EHMT1: variants seen among roughly 807,000 people sequenced by gnomAD.
EHMT1 encodes the protein histone-lysine N-methyltransferase EHMT1.
In EHMT1, 15 loss-of-function variants were observed where a neutral mutation model predicts 147.2. The ratio of observed to expected loss-of-function variants is 0.10; its 90% CI spans 0.07 to 0.16. EHMT1 has a LOEUF of 0.16. EHMT1 is among the 10% of genes least tolerant of loss of function. The pLI is 1.00. For synonymous variants in EHMT1, 795 were observed against 709.6 expected (o/e 1.12, Z -1.91); for missense variants, 1,587 against 1,772.4 (o/e 0.90, Z 1.88).
chr9:137,820,309 A>G (rs1955302988), intron 25 of EHMT1, among the ~76,000 whole-genome samples: 1 of 152,140 alleles, frequency 6.6e-6, no homozygotes, highest in Non-Finnish European at 1.5e-5. Flanking sequence ...CCGTGTGCAG[A>G]GTTGTGAGGC....
chr9:137,821,620 C>G (rs1955429896), intron 25 of EHMT1, among the ~76,000 whole-genome samples: 1 of 152,206 alleles, frequency 6.6e-6, no homozygotes, highest in Non-Finnish European at 1.5e-5. Flanking sequence ...GAGTGAGCCA[C>G]TGTGCCCAGC....
At chr9:137,799,004 C>T in intron 17 of EHMT1, 90 bp downstream of exon 17, 2 of 1,089,874 alleles carry the variant, frequency 1.8e-6, no homozygotes, top group Non-Finnish European at 2.8e-6. Flanking sequence ...CCCCCATTCT[C>T]CATGGCGTCC....
At chr9:137,663,048 C>G (rs906785430) in intron 1 of EHMT1, among the ~76,000 whole-genome samples, 1 of 152,166 alleles carries the variant, frequency 6.6e-6, no homozygotes, top group Non-Finnish European at 1.5e-5. Flanking sequence ...CTGCCTCGGC[C>G]TCCCAAAGTG....
intron 25 of EHMT1, among the ~76,000 whole-genome samples, chr9:137,830,453 G>GT (rs1184786614): frequency 3.3e-5 from 5 of 152,228 alleles, no homozygotes; most frequent in Non-Finnish European, 5.9e-5. Context: ...ATGTGTTCAT[G>GT]TTAATATTTC....
At chr9:137,709,137 C>T (rs559924360) in intron 1 of EHMT1, among the ~76,000 whole-genome samples, 5 of 152,334 alleles carry the variant, frequency 3.3e-5, no homozygotes, top group Non-Finnish European at 5.9e-5. Flanking sequence ...AATATCAGCA[C>T]AGTGAAAAAG....
rs1950926538 is a variant in EHMT1, at chr9:137,775,969, G to A, written c.1792-649G>A. Among the ~76,000 whole-genome samples, 2 of 152,126 alleles carry A rather than the reference G, an allele frequency of 1.3e-5. No individual in the cohort carries two copies. The highest frequency in any genetic ancestry group is 4.1e-4 in the South Asian group (2 of 4,824). On this transcript the variant is annotated intron_variant, in intron 11 of 26. Transcript: ENST00000460843. The surrounding 1 kb of genome is among the most constrained non-coding windows in gnomAD (Gnocchi z 6.1). ...TGTCTGTGTGCGCCTGTGTGTGTGA[G>A]TGTTTGAGTGTGAGCTTCAGGCACC...
chr9:137,706,867 G>A (rs1944311815), intron 1 of EHMT1, among the ~76,000 whole-genome samples: 1 of 151,708 alleles, frequency 6.6e-6, no homozygotes. Flanking sequence ...TTTTGCCCAG[G>A]CTGGAGTGAA....
At chr9:137,789,775 G>A (rs1029486829) in intron 15 of EHMT1, among the ~76,000 whole-genome samples, 5 of 152,218 alleles carry the variant, frequency 3.3e-5, no homozygotes, top group African/African-American at 1.2e-4. Context: ...TGTTGCCCAG[G>A]CTGGAGTGCA....
At chr9:137,795,012 T>C (rs1952792508) in intron 16 of EHMT1, 1 of 152,194 alleles carries the variant, frequency 6.6e-6, no homozygotes, top group Admixed American at 6.5e-5. Context: ...TAAACTCAAA[T>C]AATGTCATAA....
At chr9:137,648,019 A>G (rs1221408417) in intron 1 of EHMT1, among the ~76,000 whole-genome samples, 1 of 152,094 alleles carries the variant, frequency 6.6e-6, no homozygotes, top group African/African-American at 2.4e-5. Context: ...GTTTGTTGAC[A>G]CTTTTCTCAA....
intron 3 of EHMT1, among the ~76,000 whole-genome samples, chr9:137,725,324 G>C (rs933532784): frequency 6.6e-6 from 1 of 152,222 alleles, no homozygotes; most frequent in Non-Finnish European, 1.5e-5. Flanking sequence ...CCTTCGTGGG[G>C]CTTTCAGTGT....
rs771429616 is a variant in EHMT1, at chr9:137,834,414, C to T, written c.3606C>T (p.His1202=). Residue 1202 remains histidine (H), a synonymous_variant, in exon 26 of 27, where the codon CAC becomes CAT. Coordinates refer to ENST00000460843, the MANE Select transcript of EHMT1 (RefSeq NM_024757.5). ...ACGTCAGCCGGTTCATCAACCACCA[C>T]TGCGAGCCCAACCTGGTGCCCGTGC... ...YGNVSRFINH[H]CEPNLVPVRV... 4 of 1,613,364 alleles carry T rather than the reference C, an allele frequency of 2.5e-6. No homozygotes were observed. The highest frequency in any genetic ancestry group is 1.7e-6 in the Non-Finnish European group (2 of 1,179,818).
At chr9:137,743,307 A>C (rs1948264482) in intron 4 of EHMT1, 64 bp from the exon 5 acceptor site, 14 of 1,523,480 alleles carry the variant, frequency 9.2e-6, no homozygotes, top group Non-Finnish European at 1.2e-5. Context: ...TTACCTTTGA[A>C]AAACATTTGA....
intron 1 of EHMT1, among the ~76,000 whole-genome samples, chr9:137,670,452 T>C (rs1321643089): frequency 6.6e-6 from 1 of 152,128 alleles, no homozygotes; most frequent in Non-Finnish European, 1.5e-5. Flanking sequence ...CTCCCCCCGG[T>C]GCTGGGTGCA....
chr9:137,751,647 G>C (rs1948977849), intron 6 of EHMT1, among the ~76,000 whole-genome samples: 1 of 152,330 alleles, frequency 6.6e-6, no homozygotes, highest in South Asian at 2.1e-4. Flanking sequence ...TTATAGAAAA[G>C]ATAAATACAG....
At chr9:137,686,445 A>G (rs1328653554) in intron 1 of EHMT1, among the ~76,000 whole-genome samples, 1 of 151,992 alleles carries the variant, frequency 6.6e-6, no homozygotes, top group Non-Finnish European at 1.5e-5. Flanking sequence ...GCTGGAGTGC[A>G]GTGGTGCAAT....
At chr9:137,656,939 C>G (rs2134020108) in intron 1 of EHMT1, among the ~76,000 whole-genome samples, 1 of 152,054 alleles carries the variant, frequency 6.6e-6, no homozygotes, top group East Asian at 1.9e-4. Flanking sequence ...CAGGGTTTCA[C>G]CATTTTGGCC....
intron 3 of EHMT1, among the ~76,000 whole-genome samples, chr9:137,726,983 T>C (rs1231242405): frequency 2.6e-5 from 4 of 152,226 alleles, no homozygotes; most frequent in African/African-American, 9.6e-5. Flanking sequence ...TCTGTTCAGG[T>C]CCTTTGCCCA....
In EHMT1 at chr9:137,776,401, C is replaced by A; in HGVS notation, c.1792-217C>A. ...TTGGAGGCAGCCAAGTGACCTCTGT[C>A]TGGCTTCAGCTTCTTCTCTGTGGGG... On this transcript the variant is annotated intron_variant, in intron 11 of 26. Coordinates refer to ENST00000460843, the MANE Select transcript of EHMT1 (RefSeq NM_024757.5). This position sits in a 1 kb window ranked among gnomAD's most constrained non-coding sequence, Gnocchi z 4.4. The A allele has an allele frequency of 2.0e-6, 1 of 511,278 alleles. No homozygotes were observed. Among genetic ancestry groups the A allele is most frequent in the East Asian group, 3.6e-5 (1 of 27,438 alleles). 31.7% of individuals were successfully genotyped at this position (511,278 alleles called of 1,614,324 possible). A position where few individuals can be genotyped will look rare whatever the true frequency, so the allele number is the denominator to read the frequency against.
Sources: allele counts gnomAD v4.1 joint callset (sites outside exome capture counted in the v4.1 genomes callset), GRCh38; gene constraint gnomAD v4.1.1; non-coding constraint Gnocchi (gnomAD v3.1); transcripts MANE v1.5; gene names NCBI Gene and HGNC (gene_info 2026-07-23, HGNC 2026-07-21).